PAQR5: variants seen among roughly 807,000 people sequenced by gnomAD.
The protein encoded by PAQR5 is progestin and adipoQ receptor family member 5.
Under a neutral mutation model 34.5 loss-of-function variants are expected in PAQR5, and 20 were observed. The ratio of observed to expected loss-of-function variants is 0.58; its 90% CI spans 0.41 to 0.84. PAQR5 has a LOEUF of 0.84. Among genes scored for constraint, PAQR5 ranks in the 40% least tolerant of loss-of-function variants. The pLI is 0.00. For missense variants in PAQR5, 378 were observed against 412.7 expected (o/e 0.92, Z 0.73); for synonymous variants, 131 against 155.6 (o/e 0.84, Z 1.18).
At chr15:69,397,768 G>A in intron 7 of PAQR5, 1 of 600,492 alleles carries the variant, frequency 1.7e-6, no homozygotes, top group Non-Finnish European at 3.0e-6. Context: ...TAAATAAGAA[G>A]ATTTTTCTTA....
At position 69,407,022 on chromosome 15, in the gene PAQR5, A is replaced by C. The variant is rs1230586539; in HGVS notation, c.*3200A>C. 6.6e-6 allele frequency: 1 copy of C among 152,378 alleles called. No individual in the cohort carries two copies. Among genetic ancestry groups the C allele is most frequent in the Non-Finnish European group, 1.5e-5 (1 of 68,176 alleles). 9.4% of individuals were successfully genotyped at this position (152,378 alleles called of 1,614,324 possible). ...TGCCCCGCCCAGTAGAAACTTGCTC[A>C]TATGAGAGGTTCTGAGGTAGGTGCG... On this transcript the variant is annotated 3_prime_UTR_variant, in exon 9 of 9. Transcript: ENST00000395407.
At chr15:69,369,794 T>C (rs2055504718) in intron 3 of PAQR5, among the ~76,000 whole-genome samples, 1 of 151,452 alleles carries the variant, frequency 6.6e-6, no homozygotes. Flanking sequence ...CTCTTCTGGC[T>C]GGTTGAATTT....
intron 6 of PAQR5, among the ~76,000 whole-genome samples, chr15:69,395,464 G>C (rs1386624803): frequency 6.6e-6 from 1 of 152,244 alleles, no homozygotes; most frequent in African/African-American, 2.4e-5. Flanking sequence ...AGGTGGGGAT[G>C]GGGAGAGAAT....
At chr15:69,379,645 C>T in intron 3 of PAQR5, 2 of 948,796 alleles carry the variant, frequency 2.1e-6, no homozygotes, top group Non-Finnish European at 2.5e-6. Context: ...AGGCTGGATT[C>T]CCAAAGGGAG....
At chr15:69,355,419 T>C (rs1291629829) in intron 2 of PAQR5, among the ~76,000 whole-genome samples, 1 of 150,166 alleles carries the variant, frequency 6.7e-6, no homozygotes, top group Admixed American at 6.7e-5. Context: ...TTTTTTCTTT[T>C]TCTTTTTCTT....
chr15:69,318,592 T>C (rs1295642534), intron 1 of PAQR5, among the ~76,000 whole-genome samples: 1 of 152,002 alleles, frequency 6.6e-6, no homozygotes, highest in Non-Finnish European at 1.5e-5. Context: ...CGTCATCCAT[T>C]CTGCCTCCTT....
intron 5 of PAQR5, among the ~76,000 whole-genome samples, chr15:69,388,878 G>C (rs1031500863): frequency 6.6e-5 from 10 of 152,236 alleles, no homozygotes; most frequent in South Asian, 4.1e-4. Context: ...CCTCCCTTAG[G>C]GGAGACCTCA....
chr15:69,379,756 T>C (rs2055827839), intron 3 of PAQR5, 127 bp from the exon 4 acceptor site: 1 of 1,303,848 alleles, frequency 7.7e-7, no homozygotes, highest in South Asian at 1.4e-5. Context: ...GGGGAACAGC[T>C]TAACAGGTTA....
chr15:69,390,730 C>T (rs1455253357), intron 6 of PAQR5, among the ~76,000 whole-genome samples: 1 of 152,112 alleles, frequency 6.6e-6, no homozygotes, highest in Non-Finnish European at 1.5e-5. Context: ...CTGGGTGTGT[C>T]TGCCTCTGGG....
intron 1 of PAQR5, among the ~76,000 whole-genome samples, chr15:69,308,123 G>A (rs530095709): frequency 6.6e-6 from 1 of 152,330 alleles, no homozygotes; most frequent in South Asian, 2.1e-4. Flanking sequence ...GCCCTGCGGA[G>A]TTGAAAGCCA....
At chr15:69,303,950 G>C (rs924107664) in intron 1 of PAQR5, among the ~76,000 whole-genome samples, 1 of 152,208 alleles carries the variant, frequency 6.6e-6, no homozygotes, top group Non-Finnish European at 1.5e-5. Flanking sequence ...CCAAATTCAG[G>C]GTTAGAATGC....
At chr15:69,336,806 G>A (rs1029726704) in intron 1 of PAQR5, among the ~76,000 whole-genome samples, 15 of 152,328 alleles carry the variant, frequency 9.8e-5, no homozygotes, top group Admixed American at 8.5e-4. Context: ...TGTTCCAAAA[G>A]TTATGGGAAA....
chr15:69,398,446 C>T (rs1008478082), intron 7 of PAQR5, among the ~76,000 whole-genome samples: 22 of 152,274 alleles, frequency 1.4e-4, no homozygotes, highest in African/African-American at 2.2e-4. Flanking sequence ...GGGTACTAGG[C>T]CTCCTTTGTA....
intron 1 of PAQR5, among the ~76,000 whole-genome samples, chr15:69,332,059 C>G (rs1423931640): frequency 1.3e-5 from 2 of 152,164 alleles, no homozygotes; most frequent in Admixed American, 6.5e-5. Flanking sequence ...AAATTCTTAC[C>G]AGCGAAGATT....
At chr15:69,325,674 G>T (rs1392470589) in intron 1 of PAQR5, among the ~76,000 whole-genome samples, 3 of 152,146 alleles carry the variant, frequency 2.0e-5, no homozygotes, top group Non-Finnish European at 4.4e-5. Context: ...CCAGCCCCAG[G>T]GCAGGTGCAA....
intron 2 of PAQR5, among the ~76,000 whole-genome samples, chr15:69,345,679 T>A: frequency 6.6e-6 from 1 of 152,234 alleles, no homozygotes; most frequent in Non-Finnish European, 1.5e-5. Flanking sequence ...ACACACTCTC[T>A]TTTTGTTTTG....
chr15:69,328,853 A>G (rs2054313270), intron 1 of PAQR5, among the ~76,000 whole-genome samples: 1 of 152,208 alleles, frequency 6.6e-6, no homozygotes, highest in Non-Finnish European at 1.5e-5. Context: ...AGGCCAGTGC[A>G]GCCTGCAGAG....
intron 2 of PAQR5, among the ~76,000 whole-genome samples, chr15:69,355,406 CT>C (rs1215578108): frequency 3.3e-5 from 4 of 120,298 alleles, no homozygotes; most frequent in Non-Finnish European, 5.4e-5. Context: ...TTCCTTCTTT[CT>C]TTTTTTTCTT....
chr15:69,360,261 C>T, intron 3 of PAQR5, 130 bp downstream of exon 3: 1 of 614,886 alleles, frequency 1.6e-6, no homozygotes, highest in East Asian at 2.9e-5. Flanking sequence ...CCCCTTCCCA[C>T]ACTTCCTTGG....
Sources: allele counts gnomAD v4.1 joint callset (sites outside exome capture counted in the v4.1 genomes callset), GRCh38; gene constraint gnomAD v4.1.1; transcripts MANE v1.5; gene names NCBI Gene and HGNC (gene_info 2026-07-23, HGNC 2026-07-21).